The following SRGAP3 variants were observed in gnomAD, a reference collection of about 807,000 sequenced individuals.
SRGAP3 encodes the protein SLIT-ROBO Rho GTPase-activating protein 3.
A neutral mutation model predicts 121.1 loss-of-function variants in SRGAP3; 39 were observed. That is an observed-to-expected ratio of 0.32 (90% CI 0.25 to 0.42). The LOEUF (loss-of-function observed/expected upper bound fraction) is 0.42. Among genes scored for constraint, SRGAP3 ranks in the 10% least tolerant of loss-of-function variants. The pLI is 1.00. For missense variants in SRGAP3, 1,213 were observed against 1,470.6 expected (o/e 0.82, Z 2.86); for synonymous variants, 601 against 570.0 (o/e 1.05, Z -0.77).
intron 1 of SRGAP3, among the ~76,000 whole-genome samples, chr3:9,198,631 T>G (rs375573355): frequency 1.3e-4 from 20 of 152,298 alleles, no homozygotes; most frequent in Admixed American, 7.8e-4. Flanking sequence ...ACTGTTTAAT[T>G]GTAAGCTCCA....
At chr3:9,111,687 G>C (rs981437545) in intron 2 of SRGAP3, among the ~76,000 whole-genome samples, 12 of 152,146 alleles carry the variant, frequency 7.9e-5, no homozygotes, top group Non-Finnish European at 1.2e-4. Flanking sequence ...GGGGTTGTTT[G>C]CCCCTTTGGA....
intron 14 of SRGAP3, among the ~76,000 whole-genome samples, chr3:9,020,850 G>A (rs1214294893): frequency 6.6e-6 from 1 of 152,224 alleles, no homozygotes; most frequent in Non-Finnish European, 1.5e-5. Context: ...GGAAAGACAT[G>A]TTCACACTTA....
chr3:9,345,022 C>T (rs951012873), intron 1 of SRGAP3, among the ~76,000 whole-genome samples: 1 of 151,106 alleles, frequency 6.6e-6, no homozygotes, highest in African/African-American at 2.4e-5. Context: ...GGTGACAGAG[C>T]GAGACTCCGT....
chr3:9,047,535 C>T, intron 9 of SRGAP3, 60 bp from the exon 10 acceptor site: 1 of 1,526,394 alleles, frequency 6.6e-7, no homozygotes, highest in South Asian at 1.1e-5. Context: ...GGGATCTCTG[C>T]CTCTGCAACT....
intron 3 of SRGAP3, among the ~76,000 whole-genome samples, chr3:9,287,640 C>G (rs1444167981): frequency 1.3e-5 from 2 of 152,164 alleles, no homozygotes; most frequent in African/African-American, 4.8e-5. Context: ...CGTTGAAAAA[C>G]TGTGTATTGG....
At chr3:9,023,480 T>C (rs992677616) in intron 14 of SRGAP3, among the ~76,000 whole-genome samples, 1 of 152,180 alleles carries the variant, frequency 6.6e-6, no homozygotes, top group Non-Finnish European at 1.5e-5. Flanking sequence ...CCCTGGCTCT[T>C]ACTCTTCAAG....
At chr3:9,313,362 T>C (rs1331340155) in intron 3 of SRGAP3, among the ~76,000 whole-genome samples, 2 of 152,160 alleles carry the variant, frequency 1.3e-5, no homozygotes, top group Admixed American at 6.5e-5. Flanking sequence ...ATCCTCTCTG[T>C]TTTTCCCCTT....
intron 2 of SRGAP3, among the ~76,000 whole-genome samples, chr3:9,328,231 CAATT>C (rs991469215): frequency 6.6e-6 from 1 of 151,868 alleles, no homozygotes; most frequent in African/African-American, 2.4e-5. Flanking sequence ...ACTTTTAAGC[CAATT>C]AATTAGAGCT....
Position 8,999,335 on chromosome 3 carries a change from C to T in SRGAP3, c.2228-4812G>A, listed in dbSNP as rs147618955. On this transcript the variant is annotated intron_variant, in intron 18 of 21. Coordinates refer to ENST00000383836, the MANE Select transcript of SRGAP3 (RefSeq NM_014850.4). ...GGCCTCTGAACTAGCATGGGCTAGA[C>T]ATGGGCTTTTCCGGAGATGAAAAGA... Among the ~76,000 whole-genome samples the T allele has an allele frequency of 1.4e-3, 207 of 152,360 alleles. 1 individual carries two copies. The highest frequency in any genetic ancestry group is 4.8e-3 in the African/African-American group (199 of 41,574).
intron 1 of SRGAP3, among the ~76,000 whole-genome samples, chr3:9,205,938 G>A (rs973505496): frequency 6.6e-6 from 1 of 152,118 alleles, no homozygotes; most frequent in Non-Finnish European, 1.5e-5. Flanking sequence ...GATTCACAAA[G>A]ACAGAAGTAG....
chr3:9,191,882 T>TC (rs1574843004), intron 1 of SRGAP3, among the ~76,000 whole-genome samples: 1 of 152,088 alleles, frequency 6.6e-6, no homozygotes, highest in Admixed American at 6.6e-5. Flanking sequence ...GTGTAGCATC[T>TC]CCCCCCTCAC....
At chr3:9,339,551 A>G (rs1289122681) in intron 1 of SRGAP3, among the ~76,000 whole-genome samples, 5 of 152,216 alleles carry the variant, frequency 3.3e-5, no homozygotes, top group Non-Finnish European at 7.3e-5. Context: ...TGGCAATGTG[A>G]TATGGAGAGC....
At chr3:9,117,748 G>A (rs982427569) in intron 2 of SRGAP3, among the ~76,000 whole-genome samples, 7 of 152,038 alleles carry the variant, frequency 4.6e-5, no homozygotes, top group Non-Finnish European at 1.0e-4. Flanking sequence ...TACTACAGAG[G>A]GTAACCCCAG....
intron 1 of SRGAP3, among the ~76,000 whole-genome samples, chr3:9,358,237 C>A (rs2030622426): frequency 1.3e-5 from 2 of 151,804 alleles, no homozygotes; most frequent in South Asian, 4.2e-4. Context: ...CACCTGCCAA[C>A]CCCCTACTTC....
At chr3:9,285,594 G>T (rs1309534608) in intron 3 of SRGAP3, among the ~76,000 whole-genome samples, 2 of 152,028 alleles carry the variant, frequency 1.3e-5, no homozygotes, top group Non-Finnish European at 2.9e-5. Flanking sequence ...ACACTTACTT[G>T]TTCCACAACC....
At position 9,025,283 on chromosome 3, in the gene SRGAP3, G is replaced by A; in HGVS notation, c.1656C>T (p.Asp552=). 1 of 1,614,172 alleles carries A rather than the reference G, an allele frequency of 6.2e-7. No individual in the cohort carries two copies. The highest frequency in any genetic ancestry group is 8.5e-7 in the Non-Finnish European group (1 of 1,180,040). The change falls in exon 14 of 22, where the codon GAC becomes GAT. Residue 552 remains aspartate, a synonymous_variant. Coordinates refer to ENST00000383836, the MANE Select transcript of SRGAP3 (RefSeq NM_014850.4). ...CACCTCTCTCAAAGGAATTTTTGAT[G>A]TCATTGACTTCCACCTGAGATCCTG... The part of the protein sequence containing the change: ...RVPGSQVEVN[D]IKNSFERGED...
In SRGAP3 at chr3:9,118,024, TG is replaced by T. The variant is rs568041619; in HGVS notation, c.260+6700del. On this transcript the variant is annotated intron_variant, in intron 2 of 21. Transcript: ENST00000383836. ...GCATGTACCTGTAGTCCCGGTTACT[TG>T]GGAGGCTGAGGCAGGAGGATCACTT... Among the ~76,000 whole-genome samples the T allele has an allele frequency of 1.5e-3, 234 of 152,166 alleles. 1 individual carries two copies. Among genetic ancestry groups the T allele is most frequent in the African/African-American group, 5.1e-3 (213 of 41,510 alleles).
At chr3:9,334,269 A>G (rs968473659) in intron 1 of SRGAP3, among the ~76,000 whole-genome samples, 5 of 152,168 alleles carry the variant, frequency 3.3e-5, no homozygotes, top group African/African-American at 9.7e-5. Context: ...TTCAATTTCA[A>G]TGGTATTCAA....
chr3:8,983,872 G>A lies in SRGAP3; in HGVS notation c.*1647C>T, dbSNP rs1175272175. 1.7e-5 allele frequency: 4 copies of A among 229,584 alleles called. No homozygotes were observed. The highest frequency in any genetic ancestry group is 2.6e-5 in the Non-Finnish European group (3 of 115,922). The allele number at this position is 229,584 out of a possible 1,614,324, so 14.2% of individuals were successfully genotyped here. A position where few individuals can be genotyped will look rare whatever the true frequency, so the allele number is the denominator to read the frequency against. On this transcript the variant is annotated 3_prime_UTR_variant, in exon 22 of 22. Transcript: ENST00000383836. ...CTCAGGGCTGGGACTCAGACTCTGG[G>A]CCTTTTGACTCCAAACTTCAGTGGC...
Sources: allele counts gnomAD v4.1 joint callset (sites outside exome capture counted in the v4.1 genomes callset), GRCh38; gene constraint gnomAD v4.1.1; transcripts MANE v1.5; gene names NCBI Gene and HGNC (gene_info 2026-07-23, HGNC 2026-07-21).